Variants in PXK observed in about 807,000 individuals in gnomAD.
PXK encodes the protein PX domain-containing protein kinase-like protein.
In PXK, 35 loss-of-function variants were observed where a neutral mutation model predicts 84.7. The ratio of observed to expected loss-of-function variants is 0.41; its 90% CI spans 0.32 to 0.55. The LOEUF (loss-of-function observed/expected upper bound fraction) is 0.55, where lower values mean the gene tolerates loss of function less well. Among genes scored for constraint, PXK ranks in the 20% least tolerant of loss-of-function variants. The pLI is 0.21. For synonymous variants in PXK, 253 were observed against 260.8 expected (o/e 0.97, Z 0.29); for missense variants, 634 against 699.7 (o/e 0.91, Z 1.06).
In PXK at chr3:58,397,800, AAGACCCAGAGGAAGTTG is replaced by A; in HGVS notation, c.1102+79_1102+95del. The A allele has an allele frequency of 8.2e-7, 1 of 1,214,534 alleles. No individual in the cohort carries two copies. Among genetic ancestry groups the A allele is most frequent in the South Asian group, 1.3e-5 (1 of 74,430 alleles). 75.2% of individuals were successfully genotyped at this position (1,214,534 alleles called of 1,614,324 possible). ...CTCATCCCCTTTCCAGAGTCCAGGA[AAGACCCAGAGGAAGTTG>A]CTGTCCTCCACAGCCAGAAATTCTT... On this transcript the variant is annotated intron_variant, in intron 11 of 17. Coordinates refer to ENST00000356151, the MANE Select transcript of PXK (RefSeq NM_017771.5). This position sits in a 1 kb window ranked among gnomAD's most constrained non-coding sequence, Gnocchi z 4.7.
At chr3:58,374,348 T>A (rs1252809086) in intron 3 of PXK, among the ~76,000 whole-genome samples, 1 of 151,954 alleles carries the variant, frequency 6.6e-6, no homozygotes, top group East Asian at 2.0e-4. Flanking sequence ...TTTTTTTGTA[T>A]CTTCAGTAGA....
Position 58,338,828 on chromosome 3 carries a change from G to A in PXK, c.102+5738G>A, listed in dbSNP as rs191904459. Among the ~76,000 whole-genome samples the A allele has an allele frequency of 4.7e-3, 710 of 151,514 alleles. 7 individuals carry two copies. The highest frequency in any genetic ancestry group is 0.016 in the African/African-American group (653 of 41,322). On this transcript the variant is annotated intron_variant, in intron 1 of 17. Transcript: ENST00000356151. ...CTCCCGAGTAGATGGGATTACAGAC[G>A]CCCACCACCACACCCGGCTAATTTT...
chr3:58,356,902 C>CT (rs77387058), intron 1 of PXK, among the ~76,000 whole-genome samples: 22 of 144,310 alleles, frequency 1.5e-4, no homozygotes, highest in African/African-American at 4.0e-4. Flanking sequence ...CGCCCGGCCT[C>CT]TTTTTTTTTT....
At chr3:58,420,630 G>A (rs2061687193) in intron 17 of PXK, 4 of 1,534,966 alleles carry the variant, frequency 2.6e-6, no homozygotes, top group Middle Eastern at 1.7e-4. Flanking sequence ...GTGTGAAATA[G>A]GACCCAAAGT....
intron 1 of PXK, among the ~76,000 whole-genome samples, chr3:58,346,908 G>A (rs137917549): frequency 0.014 from 2,187 of 152,114 alleles, 66 homozygotes; most frequent in African/African-American, 0.05. Context: ...GTGCGATCTC[G>A]GCTCACTGCA....
chr3:58,361,941 C>T (rs926611509), intron 1 of PXK, among the ~76,000 whole-genome samples: 1 of 152,140 alleles, frequency 6.6e-6, no homozygotes, highest in Non-Finnish European at 1.5e-5. Flanking sequence ...AGTAGTTATA[C>T]CATTTTATAG....
rs539568207 is a variant in PXK, at chr3:58,355,676, C to T, written c.103-10198C>T. Among the ~76,000 whole-genome samples, 73 of 152,304 alleles carry T rather than the reference C, an allele frequency of 4.8e-4. 1 individual carries two copies. The highest frequency in any genetic ancestry group is 1.2e-3 in the South Asian group (6 of 4,820). ...GGGGATGCTTACTTGGAAAATGGCA[C>T]GGCCAGTGTTGGGAGCATTAATCAA... On this transcript the variant is annotated intron_variant, in intron 1 of 17. Transcript: ENST00000356151.
At chr3:58,375,520 C>A (rs1450765326) in intron 3 of PXK, among the ~76,000 whole-genome samples, 2 of 152,116 alleles carry the variant, frequency 1.3e-5, no homozygotes, top group Non-Finnish European at 2.9e-5. Context: ...TCAGATAACA[C>A]CGTTTTGTTC....
rs904371715 is a variant in PXK at position 58,411,781 on chromosome 3, T to A, written c.1466-1120T>A. Among the ~76,000 whole-genome samples, 4 of 152,084 alleles carry A rather than the reference T, an allele frequency of 2.6e-5. No homozygotes were observed. The highest frequency in any genetic ancestry group is 2.6e-4 in the Admixed American group (4 of 15,264). On this transcript the variant is annotated intron_variant, in intron 16 of 17. Coordinates refer to ENST00000356151, the MANE Select transcript of PXK (RefSeq NM_017771.5). This position sits in a 1 kb window ranked among gnomAD's most constrained non-coding sequence, Gnocchi z 4.2. ...TTTACTGGAGTCAAGCAGTGAAGCT[T>A]CTCCCCATTAAAGTTCATTAGCACT...
intron 3 of PXK, among the ~76,000 whole-genome samples, chr3:58,376,888 C>T (rs1361504267): frequency 1.3e-5 from 2 of 152,138 alleles, no homozygotes; most frequent in Non-Finnish European, 2.9e-5. Context: ...AGTCCACTTG[C>T]CTCGGTCTCC....
At chr3:58,349,578 A>G (rs570542754) in intron 1 of PXK, among the ~76,000 whole-genome samples, 139 of 150,756 alleles carry the variant, frequency 9.2e-4, no homozygotes, top group African/African-American at 3.3e-3. Context: ...CTGGTCTTGA[A>G]CTGCTGACCT....
At chr3:58,386,395 A>C (rs2098552218) in intron 4 of PXK, among the ~76,000 whole-genome samples, 1 of 141,780 alleles carries the variant, frequency 7.1e-6, no homozygotes, top group Non-Finnish European at 1.5e-5. Context: ...CCCCAGTTCA[A>C]GTGATTCTCC....
chr3:58,404,380 G>T (rs2107436258), intron 13 of PXK, among the ~76,000 whole-genome samples: 1 of 152,228 alleles, frequency 6.6e-6, no homozygotes, highest in Admixed American at 6.5e-5. Context: ...ATTCTTTGTT[G>T]TGAGGGCTGC....
Position 58,399,649 on chromosome 3 carries a change from T to C in PXK, c.1181+272T>C, listed in dbSNP as rs1027943101. On this transcript the variant is annotated intron_variant, in intron 12 of 17. Transcript: ENST00000356151. This position sits in a 1 kb window ranked among gnomAD's most constrained non-coding sequence, Gnocchi z 4.3. ...AGCATTGTGTGTACGTACATTAGCA[T>C]TGGGTGTGCGTATGTGTCGCAGCCC... Among the ~76,000 whole-genome samples the C allele has an allele frequency of 1.3e-5, 2 of 152,174 alleles. No individual in the cohort carries two copies. Among genetic ancestry groups the C allele is most frequent in the Non-Finnish European group, 1.5e-5 (1 of 68,026 alleles).
At chr3:58,394,039 A>G (rs1279126211) in intron 7 of PXK, among the ~76,000 whole-genome samples, 2 of 152,240 alleles carry the variant, frequency 1.3e-5, no homozygotes. Context: ...ATGTGTGAAT[A>G]GTAATGGCAT....
rs144850048 is a variant in PXK at position 58,400,229 on chromosome 3, G to A, written c.1181+852G>A. Among the ~76,000 whole-genome samples the A allele has an allele frequency of 1.4e-3, 219 of 152,204 alleles. No homozygotes were observed. The highest frequency in any genetic ancestry group is 2.5e-3 in the Non-Finnish European group (172 of 68,022). ...ATGAGGTGATTCCTAGTAGGGACCC[G>A]GCACTTAATATGTGCTCATTAAGTG... On this transcript the variant is annotated intron_variant, in intron 12 of 17. Transcript: ENST00000356151. The surrounding 1 kb of genome is among the most constrained non-coding windows in gnomAD (Gnocchi z 4.0).
At chr3:58,420,694 C>G in intron 17 of PXK, 1 of 1,492,990 alleles carries the variant, frequency 6.7e-7, no homozygotes, top group Non-Finnish European at 8.9e-7. Flanking sequence ...AGACTATTTC[C>G]TTATCTGAAT....
intron 6 of PXK, among the ~76,000 whole-genome samples, chr3:58,391,468 A>C (rs1036554484): frequency 1.0e-4 from 15 of 150,102 alleles, no homozygotes; most frequent in African/African-American, 3.7e-4. Flanking sequence ...ACTCTCTGGA[A>C]TCTCTTTAGG....
chr3:58,341,303 T>C (rs2097726065), intron 1 of PXK, among the ~76,000 whole-genome samples: 1 of 152,196 alleles, frequency 6.6e-6, no homozygotes, highest in South Asian at 2.1e-4. Context: ...GGCTCATGCC[T>C]GAAATGCCAG....
Sources: gnomAD v4.1 joint callset for allele counts (sites outside exome capture counted in the v4.1 genomes callset) on GRCh38, gnomAD v4.1.1 for gene constraint, Gnocchi (gnomAD v3.1) non-coding constraint, MANE v1.5 for transcripts, NCBI Gene and HGNC (gene_info 2026-07-23, HGNC 2026-07-21) for gene names.